Variants in OSBPL8 observed in about 807,000 individuals in gnomAD.
The protein encoded by OSBPL8 is oxysterol binding protein like 8, also known as oxysterol-binding protein-related protein 8.
A neutral mutation model predicts 125.5 loss-of-function variants in OSBPL8; 59 were observed. The observed-to-expected ratio is 0.47, with a 90% confidence interval of 0.38 to 0.58. The LOEUF (loss-of-function observed/expected upper bound fraction) is 0.58, where lower values mean the gene tolerates loss of function less well. Among genes scored for constraint, OSBPL8 ranks in the 20% least tolerant of loss-of-function variants. The pLI is 0.00. For missense variants in OSBPL8, 758 were observed against 1,047.8 expected (o/e 0.72, Z 3.82); for synonymous variants, 330 against 338.9 (o/e 0.97, Z 0.29).
At chr12:76,369,323 A>AC (rs1952532997) in intron 20 of OSBPL8, 22 bp from the exon 21 acceptor site, 1 of 1,574,294 alleles carries the variant, frequency 6.4e-7, no homozygotes, top group Admixed American at 2.1e-5. Flanking sequence ...AAAAAAAAAA[A>AC]AACCATTTGC....
At chr12:76,377,760 T>G (rs555416977) in intron 16 of OSBPL8, among the ~76,000 whole-genome samples, 9 of 152,240 alleles carry the variant, frequency 5.9e-5, no homozygotes, top group Admixed American at 3.9e-4. Flanking sequence ...AAGTTCAGAG[T>G]GCAGAGGTAA....
At chr12:76,377,258 C>A (rs762635338) in intron 16 of OSBPL8, among the ~76,000 whole-genome samples, 1 of 152,064 alleles carries the variant, frequency 6.6e-6, no homozygotes. Flanking sequence ...GTCTTTATAG[C>A]AGAATAATGT....
chr12:76,364,697 T>G (rs569318646), intron 21 of OSBPL8, among the ~76,000 whole-genome samples: 1 of 152,306 alleles, frequency 6.6e-6, no homozygotes, highest in African/African-American at 2.4e-5. Flanking sequence ...GGCTTGACAT[T>G]TAGACACTCA....
chr12:76,392,348 A>G (rs1953598023), intron 10 of OSBPL8, among the ~76,000 whole-genome samples: 1 of 152,210 alleles, frequency 6.6e-6, no homozygotes, highest in Non-Finnish European at 1.5e-5. Context: ...AATAATTAGC[A>G]TGGCTATATT....
intron 3 of OSBPL8, among the ~76,000 whole-genome samples, chr12:76,456,554 G>A (rs1273572619): frequency 6.6e-6 from 1 of 151,980 alleles, no homozygotes; most frequent in African/African-American, 2.4e-5. Flanking sequence ...GGAGGCTGAG[G>A]CAGCCCAGGT....
chr12:76,549,083 C>G (rs1445699538), intron 1 of OSBPL8, among the ~76,000 whole-genome samples: 1 of 151,478 alleles, frequency 6.6e-6, no homozygotes, highest in African/African-American at 2.4e-5. Context: ...CCAGGAAAAT[C>G]AGCCAAAATA....
intron 1 of OSBPL8, among the ~76,000 whole-genome samples, chr12:76,525,143 G>T (rs1950136427): frequency 6.6e-6 from 1 of 152,090 alleles, no homozygotes; most frequent in Admixed American, 6.5e-5. Flanking sequence ...AACCACTGAG[G>T]TGTATAGACC....
At chr12:76,504,190 T>G in intron 1 of OSBPL8, among the ~76,000 whole-genome samples, 2 of 152,146 alleles carry the variant, frequency 1.3e-5, no homozygotes, top group Middle Eastern at 6.8e-3. Flanking sequence ...TCCAGCCTGT[T>G]GACCTACCCT....
intron 23 of OSBPL8, 122 bp from the exon 24 acceptor site, chr12:76,356,143 A>G (rs1216142768): frequency 1.8e-5 from 2 of 111,512 alleles, no homozygotes; most frequent in African/African-American, 5.7e-5. Flanking sequence ...TTGCTGGGTC[A>G]TGGGGTGGTA....
chr12:76,479,081 T>G (rs1049170719), intron 2 of OSBPL8, among the ~76,000 whole-genome samples: 4 of 152,190 alleles, frequency 2.6e-5, no homozygotes, highest in African/African-American at 9.7e-5. Context: ...AGTATACCTA[T>G]CAAATTATTT....
intron 21 of OSBPL8, among the ~76,000 whole-genome samples, chr12:76,362,794 G>A (rs1952259593): frequency 1.3e-5 from 2 of 152,190 alleles, no homozygotes; most frequent in African/African-American, 4.8e-5. Flanking sequence ...CATCGTCTCA[G>A]CCCAAAATCT....
intron 2 of OSBPL8, among the ~76,000 whole-genome samples, chr12:76,468,052 T>C (rs987800079): frequency 6.6e-6 from 1 of 152,198 alleles, no homozygotes; most frequent in Non-Finnish European, 1.5e-5. Flanking sequence ...AATAATAGTT[T>C]ACCTGAGTAT....
At chr12:76,421,883 A>AT (rs202184587) in intron 4 of OSBPL8, among the ~76,000 whole-genome samples, 1 of 151,988 alleles carries the variant, frequency 6.6e-6, no homozygotes, top group Non-Finnish European at 1.5e-5. Context: ...CAAATGCCTA[A>AT]TAAATATAAC....
chr12:76,416,033 A>C (rs1458839055), intron 4 of OSBPL8, among the ~76,000 whole-genome samples: 1 of 152,114 alleles, frequency 6.6e-6, no homozygotes, highest in Admixed American at 6.5e-5. Context: ...TTCTGTTTCT[A>C]AAATATGCAC....
At chr12:76,514,393 T>C (rs2137212783) in intron 1 of OSBPL8, among the ~76,000 whole-genome samples, 1 of 151,906 alleles carries the variant, frequency 6.6e-6, no homozygotes, top group Middle Eastern at 3.4e-3. Context: ...CCTTGTGATC[T>C]ACCCGCTTCA....
chr12:76,468,457 G>A (rs886761066), intron 2 of OSBPL8, among the ~76,000 whole-genome samples: 8 of 152,132 alleles, frequency 5.3e-5, no homozygotes, highest in Admixed American at 1.3e-4. Context: ...CTACTCAATA[G>A]CTTGAAATTT....
intron 2 of OSBPL8, among the ~76,000 whole-genome samples, chr12:76,487,288 C>T (rs900926579): frequency 6.6e-6 from 1 of 152,068 alleles, no homozygotes; most frequent in Non-Finnish European, 1.5e-5. Flanking sequence ...ATCTCGGCCT[C>T]CCAAAGTTCT....
intron 4 of OSBPL8, among the ~76,000 whole-genome samples, chr12:76,437,430 A>C (rs1871598909): frequency 1.3e-5 from 2 of 152,168 alleles, no homozygotes; most frequent in Admixed American, 6.5e-5. Context: ...TTTATTGGCC[A>C]TCCGTGTTAC....
At chr12:76,454,879 A>C (rs1873837278) in intron 3 of OSBPL8, among the ~76,000 whole-genome samples, 1 of 152,114 alleles carries the variant, frequency 6.6e-6, no homozygotes, top group Non-Finnish European at 1.5e-5. Flanking sequence ...TAAAAAGCAA[A>C]GAATAATAAA....
Sources: allele counts gnomAD v4.1 joint callset (sites outside exome capture counted in the v4.1 genomes callset), GRCh38; gene constraint gnomAD v4.1.1; transcripts MANE v1.5; gene names NCBI Gene and HGNC (gene_info 2026-07-23, HGNC 2026-07-21).